Variants in RNF223 observed in about 807,000 individuals in gnomAD.
RNF223 encodes ring finger protein 223.
In RNF223, 10 loss-of-function variants were observed where a neutral mutation model predicts 13.9. That is an observed-to-expected ratio of 0.72 (90% CI 0.44 to 1.22). The LOEUF is 1.22. RNF223 is among the 50% of genes most tolerant of loss of function. The pLI, the probability that RNF223 is intolerant of heterozygous loss-of-function variation, is 0.00. For synonymous variants in RNF223, 168 were observed against 173.3 expected, an observed-to-expected ratio of 0.97 and a Z score of 0.24; for missense variants, 379 against 380.0, an observed-to-expected ratio of 1.00 and a Z score of 0.02.
chr1:1,073,385 G>A (rs1259479830), intron 1 of RNF223, among the ~76,000 whole-genome samples: 1 of 152,210 alleles, frequency 6.6e-6, no homozygotes, highest in East Asian at 1.9e-4. Flanking sequence ...CAGTGTGGGG[G>A]TGGGACTTGG....
Position 1,072,065 on chromosome 1 carries a change from C to G in RNF223, c.502G>C (p.Ala168Pro). Reference sequence around the variant, plus strand: ...TCCCGGGCGGGCGCGGGCGGCTCGGCAGGCTTGCTCAAACCCACGTCCACG... The same window carrying G: ...TCCCGGGCGGGCGCGGGCGGCTCGGGAGGCTTGCTCAAACCCACGTCCACG... Reference protein sequence around the residue: ...VCVDVGLSKPAEPPAPARDPA... With the variant: ...VCVDVGLSKPPEPPAPARDPA... The change falls in exon 2 of 2, where the codon GCC (alanine) becomes CCC (proline). Residue 168 changes from alanine to proline, a missense_variant. Coordinates refer to ENST00000453464, the MANE Select transcript of RNF223 (RefSeq NM_001205252.2). 6.7e-7 allele frequency: 1 copy of G among 1,495,176 alleles called. No homozygotes were observed. Among genetic ancestry groups the G allele is most frequent in the Non-Finnish European group, 8.9e-7 (1 of 1,129,220 alleles). The allele number at this position is 1,495,176 out of a possible 1,614,324, so 92.6% of individuals were successfully genotyped here.
chr1:1,073,716 C>T (rs1645660936), intron 1 of RNF223, among the ~76,000 whole-genome samples: 1 of 152,160 alleles, frequency 6.6e-6, no homozygotes, highest in East Asian at 1.9e-4. Context: ...GGCCGTGCGT[C>T]CCCGTGGGGC....
chr1:1,073,364 T>A (rs991764325), intron 1 of RNF223, among the ~76,000 whole-genome samples: 1 of 151,982 alleles, frequency 6.6e-6, no homozygotes, highest in Admixed American at 6.5e-5. Context: ...CTGCTGAGGG[T>A]CTGATGTGCA....
chr1:1,072,733 G>T (rs1009810221), intron 1 of RNF223, among the ~76,000 whole-genome samples, 158 bp from the exon 2 acceptor site: 6 of 152,154 alleles, frequency 3.9e-5, no homozygotes, highest in African/African-American at 1.4e-4. Context: ...AGGTCATTCT[G>T]CCCCACGTGC....
Position 1,072,129 on chromosome 1 carries a change from T to C in RNF223, c.438A>G (p.Pro146=). Residue 146 remains proline, a synonymous_variant, in exon 2 of 2, where the codon CCA becomes CCG. Coordinates refer to ENST00000453464, the MANE Select transcript of RNF223 (RefSeq NM_001205252.2). The part of the protein sequence containing the change: ...WLEGTKLCCQ[P]LPTTPGREPG... ...GCTCGCGGCCAGGTGTGGTGGGCAG[T>C]GGCTGGCAGCACAGCTTGGTGCCCT... 4.6e-6 allele frequency: 7 copies of C among 1,517,278 alleles called. No homozygotes were observed. Among genetic ancestry groups the C allele is most frequent in the Non-Finnish European group, 6.1e-6 (7 of 1,139,644 alleles). The allele number at this position is 1,517,278 out of a possible 1,614,324, so 94.0% of individuals were successfully genotyped here.
chr1:1,072,432 C>T lies in RNF223; in HGVS notation c.135G>A (p.Val45=), dbSNP rs1193490034. 6.6e-7 allele frequency: 1 copy of T among 1,505,364 alleles called. No homozygotes were observed. The highest frequency in any genetic ancestry group is 1.4e-5 in the African/African-American group (1 of 72,036). The allele number at this position is 1,505,364 out of a possible 1,614,324, so 93.3% of individuals were successfully genotyped here. The change falls in exon 2 of 2, where the codon GTG becomes GTA. Residue 45 remains valine (V), a synonymous_variant. Transcript: ENST00000453464. Reference sequence around the variant, plus strand: ...AGATGGAGCACTCCAGGGGGGAGGCCACCCTCTCCGAGCCAGGGGTGCCAG... The same window carrying T: ...AGATGGAGCACTCCAGGGGGGAGGCTACCCTCTCCGAGCCAGGGGTGCCAG... ...RSPGTPGSER[V]ASPLECSICF...
intron 1 of RNF223, among the ~76,000 whole-genome samples, chr1:1,072,859 A>G (rs1645652945): frequency 6.6e-6 from 1 of 152,220 alleles, no homozygotes; most frequent in Admixed American, 6.5e-5. Flanking sequence ...ACCGCTCGGC[A>G]GACACCTCCT....
chr1:1,072,102 G>C lies in RNF223; in HGVS notation c.465C>G (p.Pro155=). ...AACCCACGTCCACGCATACGAAACCGGGCTCGCGGCCAGGTGTGGTGGGCA... is the reference window on the plus strand; with the variant it reads ...AACCCACGTCCACGCATACGAAACCCGGCTCGCGGCCAGGTGTGGTGGGCA... ...QPLPTTPGRE[P]GFVCVDVGLS... is the part of the protein sequence containing the mutation. The change falls in exon 2 of 2, where the codon CCC becomes CCG. Residue 155 remains proline, a synonymous_variant. Coordinates refer to ENST00000453464, the MANE Select transcript of RNF223 (RefSeq NM_001205252.2). The C allele has an allele frequency of 6.6e-7, 1 of 1,515,096 alleles. No individual in the cohort carries two copies. Among genetic ancestry groups the C allele is most frequent in the Non-Finnish European group, 8.8e-7 (1 of 1,138,596 alleles). The allele number at this position is 1,515,096 out of a possible 1,614,324, so 93.9% of individuals were successfully genotyped here. A position where few individuals can be genotyped will look rare whatever the true frequency, so the allele number is the denominator to read the frequency against.
Position 1,072,144 on chromosome 1 carries a change from C to A in RNF223, c.423G>T (p.Lys141Asn). 1 of 1,515,662 alleles carries A rather than the reference C, an allele frequency of 6.6e-7. No homozygotes were observed. The highest frequency in any genetic ancestry group is 8.8e-7 in the Non-Finnish European group (1 of 1,139,102). The allele number at this position is 1,515,662 out of a possible 1,614,324, so 93.9% of individuals were successfully genotyped here. A position where few individuals can be genotyped will look rare whatever the true frequency, so the allele number is the denominator to read the frequency against. Residue 141 changes from lysine to asparagine, a missense_variant, in exon 2 of 2, where the codon AAG becomes AAT. Coordinates refer to ENST00000453464, the MANE Select transcript of RNF223 (RefSeq NM_001205252.2). ...REEPVWLEGTKLCCQPLPTTP... is the reference protein window; with the variant it reads ...REEPVWLEGTNLCCQPLPTTP... ...TGGTGGGCAGTGGCTGGCAGCACAG[C>A]TTGGTGCCCTCCAGCCACACAGGCT...
At position 1,072,397 on chromosome 1, in the gene RNF223, C is replaced by A; in HGVS notation, c.170G>T (p.Gly57Val). Reference protein sequence around the residue: ...SPLECSICFSGYDNIFKTPKE... With the variant: ...SPLECSICFSVYDNIFKTPKE... ...GGGTGTCTTGAAGATGTTGTCATAG[C>A]CTGAGAAACAGATGGAGCACTCCAG... The change falls in exon 2 of 2, where the codon GGC becomes GTC. Residue 57 changes from glycine (G) to valine (V), a missense_variant. Physicochemically the swap from Gly to Val is moderately radical, Grantham distance 109. Coordinates refer to ENST00000453464, the MANE Select transcript of RNF223 (RefSeq NM_001205252.2). 1.4e-6 allele frequency: 2 copies of A among 1,476,650 alleles called. No individual in the cohort carries two copies. The highest frequency in any genetic ancestry group is 8.9e-7 in the Non-Finnish European group (1 of 1,120,664). 91.5% of individuals were successfully genotyped at this position (1,476,650 alleles called of 1,614,324 possible).
Position 1,071,840 on chromosome 1 carries a change from G to T in RNF223, c.727C>A (p.Leu243Ile), listed in dbSNP as rs763426781. 5 of 1,519,104 alleles carry T rather than the reference G, an allele frequency of 3.3e-6. No homozygotes were observed. The highest frequency in any genetic ancestry group is 1.2e-5 in the South Asian group (1 of 81,940). 94.1% of individuals were successfully genotyped at this position (1,519,104 alleles called of 1,614,324 possible). Residue 243 changes from leucine (L) to isoleucine (I), a missense_variant, in exon 2 of 2, where the codon CTC becomes ATC. Transcript: ENST00000453464. ...PPATSTAASPLGPLTDN is the reference protein window; with the variant it reads ...PPATSTAASPIGPLTDN Reference sequence around the variant, plus strand: ...CCCTAATTATCAGTCAGAGGCCCGAGGGGGGAGGCGGCTGTGCTGGTGGCC... The same window carrying T: ...CCCTAATTATCAGTCAGAGGCCCGATGGGGGAGGCGGCTGTGCTGGTGGCC...
In RNF223 at chr1:1,072,331, A is replaced by G. The variant is rs1161755975; in HGVS notation, c.236T>C (p.Leu79Pro). 7.6e-6 allele frequency: 11 copies of G among 1,448,046 alleles called. No individual in the cohort carries two copies. Among genetic ancestry groups the G allele is most frequent in the Admixed American group, 2.7e-5 (1 of 36,804 alleles). The allele number at this position is 1,448,046 out of a possible 1,614,324, so 89.7% of individuals were successfully genotyped here. A position where few individuals can be genotyped will look rare whatever the true frequency, so the allele number is the denominator to read the frequency against. Residue 79 changes from leucine (L) to proline (P), a missense_variant, in exon 2 of 2, where the codon CTG (leucine) becomes CCG (proline). Coordinates refer to ENST00000453464, the MANE Select transcript of RNF223 (RefSeq NM_001205252.2). ...AGGCTGAGCAGCCGCCAGCCGGGCC[A>G]GGCACTCCAGGCAGAAGACGTGGGT... Reference protein sequence around the residue: ...SCTHVFCLECLARLAAAQPVG... With the variant: ...SCTHVFCLECPARLAAAQPVG...
Position 1,072,559 on chromosome 1 carries a change from G to A in RNF223, c.8C>T (p.Ser3Leu), listed in dbSNP as rs1208624071. The change falls in exon 2 of 2, where the codon TCA becomes TTA. Residue 3 changes from serine to leucine, a missense_variant. Coordinates refer to ENST00000453464, the MANE Select transcript of RNF223 (RefSeq NM_001205252.2). ...AGCCGTGTGCCACACCTGCTGGCCT[G>A]ACGACATGTCTCTGAGCTGTGGGAC... MS[S>L]GQQVWHTAVP... 1 of 1,522,310 alleles carries A rather than the reference G, an allele frequency of 6.6e-7. No homozygotes were observed. The highest frequency in any genetic ancestry group is 2.1e-5 in the Admixed American group (1 of 48,514). The allele number at this position is 1,522,310 out of a possible 1,614,324, so 94.3% of individuals were successfully genotyped here.
In RNF223 at chr1:1,072,538, G is replaced by T. The variant is rs771169923; in HGVS notation, c.29C>A (p.Thr10Lys). The T allele has an allele frequency of 5.2e-6, 8 of 1,530,102 alleles. No homozygotes were observed. Among genetic ancestry groups the T allele is most frequent in the Non-Finnish European group, 7.0e-6 (8 of 1,144,256 alleles). The allele number at this position is 1,530,102 out of a possible 1,614,324, so 94.8% of individuals were successfully genotyped here. Residue 10 changes from threonine (T) to lysine (K), a missense_variant, in exon 2 of 2, where the codon ACG becomes AAG. By Grantham distance (78) the Thr-to-Lys change is moderately conservative. Transcript: ENST00000453464. Reference sequence around the variant, plus strand: ...GCTCCGGCGAGGGGGTGGCACAGCCGTGTGCCACACCTGCTGGCCTGACGA... The same window carrying T: ...GCTCCGGCGAGGGGGTGGCACAGCCTTGTGCCACACCTGCTGGCCTGACGA... MSSGQQVWH[T>K]AVPPPRRSSS...
chr1:1,072,785 G>A (rs1469558927), intron 1 of RNF223, among the ~76,000 whole-genome samples: 5 of 152,194 alleles, frequency 3.3e-5, no homozygotes, highest in East Asian at 1.9e-4. Context: ...GCACCGGGGT[G>A]AGCCTCCCAC....
intron 1 of RNF223, among the ~76,000 whole-genome samples, chr1:1,073,704 C>G (rs939671152): frequency 2.0e-5 from 3 of 152,136 alleles, no homozygotes; most frequent in Non-Finnish European, 2.9e-5. Context: ...ACTCAAGGGC[C>G]TGGCCGTGCG....
chr1:1,071,763 G>A lies in RNF223; in HGVS notation c.*54C>T. 7.2e-7 allele frequency: 1 copy of A among 1,380,116 alleles called. No individual in the cohort carries two copies. The highest frequency in any genetic ancestry group is 9.4e-7 in the Non-Finnish European group (1 of 1,060,854). 85.5% of individuals were successfully genotyped at this position (1,380,116 alleles called of 1,614,324 possible). A position where few individuals can be genotyped will look rare whatever the true frequency, so the allele number is the denominator to read the frequency against. On this transcript the variant is annotated 3_prime_UTR_variant, in exon 2 of 2. Transcript: ENST00000453464. The stretch of plus-strand genomic sequence containing the variant: ...CTGTGCCCTTGGGCCCCCCAGTGGG[G>A]GACGCCCCATGGAGCTGGGCGAGGG...
chr1:1,073,773 C>T (rs866987717), intron 1 of RNF223, among the ~76,000 whole-genome samples: 6 of 152,150 alleles, frequency 3.9e-5, no homozygotes, highest in Admixed American at 3.9e-4. Flanking sequence ...CCCGCCCCAC[C>T]CCTGACTTGC....
At position 1,072,197 on chromosome 1, in the gene RNF223, G is replaced by A. The variant is rs1448725868; in HGVS notation, c.370C>T (p.Arg124Trp). 4.0e-6 allele frequency: 6 copies of A among 1,498,394 alleles called. No homozygotes were observed. Among genetic ancestry groups the A allele is most frequent in the Admixed American group, 4.4e-5 (2 of 45,854 alleles). 92.8% of individuals were successfully genotyped at this position (1,498,394 alleles called of 1,614,324 possible). Residue 124 changes from arginine (R) to tryptophan (W), a missense_variant, in exon 2 of 2, where the codon CGG becomes TGG. Arg to Trp is a moderately radical substitution (Grantham distance 101). Transcript: ENST00000453464. ...ALCTSRQLQARMPAHLRREEP... is the reference protein window; with the variant it reads ...ALCTSRQLQAWMPAHLRREEP... ...TCACGCCGCAAATGCGCCGGCATCC[G>A]GGCCTGCAGCTGGCGGCTGGTGCAC...
Sources: allele counts gnomAD v4.1 joint callset (sites outside exome capture counted in the v4.1 genomes callset), GRCh38; gene constraint gnomAD v4.1.1; transcripts MANE v1.5; gene names NCBI Gene and HGNC (gene_info 2026-07-23, HGNC 2026-07-21).